Variants in MYO10 observed in about 807,000 individuals in gnomAD.
MYO10 encodes the protein unconventional myosin-X.
A neutral mutation model predicts 257.3 loss-of-function variants in MYO10; 133 were observed. The ratio of observed to expected loss-of-function variants is 0.52; its 90% CI spans 0.45 to 0.60. The LOEUF (loss-of-function observed/expected upper bound fraction) is 0.60. MYO10 is among the 20% of genes least tolerant of loss of function. The pLI, the probability that MYO10 is intolerant of heterozygous loss-of-function variation, is 0.00. For missense variants in MYO10, 2,399 were observed against 2,635.7 expected, an observed-to-expected ratio of 0.91 and a Z score of 1.97; for synonymous variants, 1,104 against 1,028.6, an observed-to-expected ratio of 1.07 and a Z score of -1.40.
chr5:16,849,463 A>C (rs1341801213), intron 2 of MYO10, among the ~76,000 whole-genome samples: 1 of 152,212 alleles, frequency 6.6e-6, no homozygotes, highest in African/African-American at 2.4e-5. Flanking sequence ...ATAGAAGGGA[A>C]TTAAGTGGAT....
At chr5:16,885,586 C>T (rs1171578135) in intron 1 of MYO10, among the ~76,000 whole-genome samples, 1 of 151,770 alleles carries the variant, frequency 6.6e-6, no homozygotes, top group African/African-American at 2.4e-5. Context: ...GCAGGAGAAT[C>T]ACTTGAACCC....
intron 19 of MYO10, among the ~76,000 whole-genome samples, chr5:16,736,256 T>A (rs561386210): frequency 6.6e-6 from 1 of 152,320 alleles, no homozygotes; most frequent in East Asian, 1.9e-4. Flanking sequence ...TGTAGTTAAT[T>A]ATTTTAATTG....
chr5:16,676,234 C>T, intron 33 of MYO10, 80 bp from the exon 34 acceptor site: 1 of 1,534,032 alleles, frequency 6.5e-7, no homozygotes, highest in Non-Finnish European at 8.8e-7. Context: ...TCTCAAATAT[C>T]CATAAACCTA....
intron 35 of MYO10, among the ~76,000 whole-genome samples, chr5:16,674,581 A>C (rs1454053543): frequency 2.1e-5 from 3 of 144,584 alleles, no homozygotes; most frequent in African/African-American, 7.6e-5. Flanking sequence ...TTTTTTTTTT[A>C]AATATAGAGC....
At chr5:16,861,870 C>T (rs1327977073) in intron 2 of MYO10, among the ~76,000 whole-genome samples, 2 of 152,110 alleles carry the variant, frequency 1.3e-5, no homozygotes, top group South Asian at 2.1e-4. Flanking sequence ...GACTCCTGGA[C>T]GTGTTATTAC....
intron 2 of MYO10, among the ~76,000 whole-genome samples, chr5:16,820,966 A>G (rs544917970): frequency 2.0e-5 from 3 of 147,802 alleles, no homozygotes; most frequent in Admixed American, 1.4e-4. Context: ...TATACATATA[A>G]AACATCTTAT....
chr5:16,858,441 TAAA>T (rs56792705), intron 2 of MYO10, among the ~76,000 whole-genome samples: 7 of 135,336 alleles, frequency 5.2e-5, no homozygotes, highest in African/African-American at 1.1e-4. Flanking sequence ...GCTACTTTTG[TAAA>T]AAAAAAAAAA....
At chr5:16,906,385 C>T (rs1372212715) in intron 1 of MYO10, among the ~76,000 whole-genome samples, 1 of 152,200 alleles carries the variant, frequency 6.6e-6, no homozygotes, top group Non-Finnish European at 1.5e-5. Context: ...GGAAGTTTAG[C>T]ACCATTCCTG....
chr5:16,688,363 G>A (rs1737342699), intron 28 of MYO10, among the ~76,000 whole-genome samples: 1 of 152,080 alleles, frequency 6.6e-6, no homozygotes, highest in South Asian at 2.1e-4. Flanking sequence ...GGTAGTGAGG[G>A]GTCCTGAGAA....
intron 26 of MYO10, among the ~76,000 whole-genome samples, chr5:16,698,232 G>A (rs143605850): frequency 3.3e-5 from 5 of 152,148 alleles, no homozygotes. Context: ...GCATGATGGT[G>A]TGCGCCTGCA....
Position 16,662,314 on chromosome 5 carries a change from CTATT to C in MYO10, c.*4374_*4377del, listed in dbSNP as rs1736012562. ...AAAAGTGCTGTCTTAGATTTCTGAA[CTATT>C]TTTTTTTTTTTTTTTTTTTTTTGGA... is the stretch of plus-strand genomic sequence containing the variant. On this transcript the variant is annotated 3_prime_UTR_variant, in exon 41 of 41. Coordinates refer to ENST00000513610, the MANE Select transcript of MYO10 (RefSeq NM_012334.3). 1 of 39,670 alleles carries C rather than the reference CTATT, an allele frequency of 2.5e-5. No individual in the cohort carries two copies. Among genetic ancestry groups the C allele is most frequent in the African/African-American group, 9.0e-5 (1 of 11,074 alleles). 2.5% of individuals were successfully genotyped at this position (39,670 alleles called of 1,614,324 possible).
chr5:16,934,153 T>G (rs1010236777), intron 1 of MYO10, among the ~76,000 whole-genome samples: 2 of 152,214 alleles, frequency 1.3e-5, no homozygotes, highest in South Asian at 2.1e-4. Context: ...AAGAGTACTT[T>G]GAAAAGTCAA....
intron 1 of MYO10, among the ~76,000 whole-genome samples, chr5:16,915,344 A>G (rs1233122904): frequency 6.6e-6 from 1 of 152,210 alleles, no homozygotes; most frequent in African/African-American, 2.4e-5. Flanking sequence ...CTGTATATAA[A>G]TGGCTCAGCA....
chr5:16,901,129 GC>G lies in MYO10; in HGVS notation c.22-23423del, dbSNP rs1459610080. ...TGCCTGCCCCTCCAGCGTTGTCTCAGCCCCCCTCTCCCGAGACTCTTCTCAG... is the reference window on the plus strand; with the variant it reads ...TGCCTGCCCCTCCAGCGTTGTCTCAGCCCCCTCTCCCGAGACTCTTCTCAG... On this transcript the variant is annotated intron_variant, in intron 1 of 40. Transcript: ENST00000513610. Among the ~76,000 whole-genome samples the G allele has an allele frequency of 7.9e-5, 12 of 152,100 alleles. No individual in the cohort carries two copies. In the Middle Eastern group the frequency reaches 0.01, roughly 130 times the overall value.
At chr5:16,777,170 C>A (rs1451341304) in intron 9 of MYO10, among the ~76,000 whole-genome samples, 1 of 152,148 alleles carries the variant, frequency 6.6e-6, no homozygotes, top group African/African-American at 2.4e-5. Context: ...TAAAACCCAA[C>A]GTGCAAGGCC....
At chr5:16,739,047 A>T (rs968644621) in intron 19 of MYO10, among the ~76,000 whole-genome samples, 1 of 152,074 alleles carries the variant, frequency 6.6e-6, no homozygotes, top group Non-Finnish European at 1.5e-5. Flanking sequence ...CAGAGCCAGG[A>T]GCAGTGGTGT....
chr5:16,833,939 T>C (rs369986825), intron 2 of MYO10, among the ~76,000 whole-genome samples: 1 of 152,202 alleles, frequency 6.6e-6, no homozygotes, highest in Middle Eastern at 3.2e-3. Context: ...CATACCCTGA[T>C]TGGAATTCTC....
chr5:16,803,346 T>C (rs1273422128), intron 3 of MYO10, among the ~76,000 whole-genome samples: 2 of 152,086 alleles, frequency 1.3e-5, no homozygotes, highest in Non-Finnish European at 1.5e-5. Flanking sequence ...GAGGATCACC[T>C]GAGCCCAGGA....
chr5:16,883,967 G>A (rs749589587), intron 1 of MYO10, among the ~76,000 whole-genome samples: 1 of 152,154 alleles, frequency 6.6e-6, no homozygotes, highest in South Asian at 2.1e-4. Flanking sequence ...CCCGGAACAG[G>A]GCACTGTGCC....
Sources: gnomAD v4.1 joint callset for allele counts (sites outside exome capture counted in the v4.1 genomes callset) on GRCh38, gnomAD v4.1.1 for gene constraint, MANE v1.5 for transcripts, NCBI Gene and HGNC (gene_info 2026-07-23, HGNC 2026-07-21) for gene names.